Variants in RIMS2 observed in about 807,000 individuals in gnomAD.
RIMS2 encodes regulating synaptic membrane exocytosis 2.
A neutral mutation model predicts 174.4 loss-of-function variants in RIMS2; 59 were observed. That is an observed-to-expected ratio of 0.34 (90% CI 0.27 to 0.42). The LOEUF (loss-of-function observed/expected upper bound fraction) is 0.42, where lower values mean the gene tolerates loss of function less well. Among genes scored for constraint, RIMS2 ranks in the 10% least tolerant of loss-of-function variants. The pLI, the probability that RIMS2 is intolerant of heterozygous loss-of-function variation, is 1.00. For missense variants in RIMS2, 1,620 were observed against 1,666.3 expected (o/e 0.97, Z 0.48); for synonymous variants, 606 against 572.5 (o/e 1.06, Z -0.84).
intron 1 of RIMS2, among the ~76,000 whole-genome samples, chr8:103,606,793 A>G (rs2095114274): frequency 6.6e-6 from 1 of 151,612 alleles, no homozygotes; most frequent in Non-Finnish European, 1.5e-5. Context: ...GTTGGTTTAA[A>G]GTCTGTTTTA....
exon 23 of RIMS2, chr8:104,251,058 A>T: frequency 6.2e-7 from 1 of 1,613,412 alleles, no homozygotes; most frequent in East Asian, 2.2e-5. Flanking sequence ...TAGATAACGG[A>T]GTCTGCATAG....
intron 3 of RIMS2, among the ~76,000 whole-genome samples, chr8:103,857,310 A>ATAGT (rs2099033282): frequency 6.6e-6 from 1 of 152,236 alleles, no homozygotes; most frequent in South Asian, 2.1e-4. Flanking sequence ...TATGAATAAG[A>ATAGT]TAGTTACAGT....
chr8:103,669,908 C>A (rs1400914043), intron 1 of RIMS2, among the ~76,000 whole-genome samples: 2 of 152,248 alleles, frequency 1.3e-5, no homozygotes, highest in African/African-American at 4.8e-5. Context: ...TGGTGGCCCT[C>A]TTCTCACAGC....
chr8:103,846,354 T>G (rs1045593077), intron 3 of RIMS2, among the ~76,000 whole-genome samples: 1 of 152,118 alleles, frequency 6.6e-6, no homozygotes, highest in African/African-American at 2.4e-5. Flanking sequence ...TGTAAGGGAA[T>G]GGAGTGAAGC....
intron 19 of RIMS2, among the ~76,000 whole-genome samples, chr8:104,193,956 A>G (rs888052533): frequency 6.6e-6 from 1 of 152,148 alleles, no homozygotes; most frequent in African/African-American, 2.4e-5. Flanking sequence ...TTCATTTGGA[A>G]TGTGATGGGG....
intron 19 of RIMS2, among the ~76,000 whole-genome samples, chr8:104,208,331 G>T (rs570399301): frequency 5.9e-5 from 9 of 152,040 alleles, no homozygotes; most frequent in Non-Finnish European, 1.3e-4. Flanking sequence ...ATTTTGGGAG[G>T]CCGAGGGGGG....
At chr8:103,947,770 G>C (rs2084184316) in intron 14 of RIMS2, among the ~76,000 whole-genome samples, 2 of 152,018 alleles carry the variant, frequency 1.3e-5, no homozygotes, top group Non-Finnish European at 2.9e-5. Context: ...GAACACTTAG[G>C]CTACACTTTA....
chr8:103,767,936 A>G (rs1031709701), intron 3 of RIMS2, among the ~76,000 whole-genome samples: 1 of 152,146 alleles, frequency 6.6e-6, no homozygotes, highest in Non-Finnish European at 1.5e-5. Context: ...ACTCTCCTTT[A>G]TTGTTGGTCC....
intron 1 of RIMS2, among the ~76,000 whole-genome samples, chr8:103,604,560 A>T (rs886781932): frequency 3.3e-5 from 5 of 151,712 alleles, no homozygotes; most frequent in South Asian, 4.2e-4. Flanking sequence ...CTTGATGGGG[A>T]TGGCATTCAA....
At position 103,659,374 on chromosome 8, in the gene RIMS2, C is replaced by T. The variant is rs937764144; in HGVS notation, c.177-37712C>T. On this transcript the variant is annotated intron_variant, in intron 1 of 23. Coordinates refer to ENST00000504942, the Ensembl canonical transcript of RIMS2. Reference sequence around the variant, plus strand: ...GGGAAGAACACCTGTGTACTACCTTCTCAAAGCCGAGGGCCCACCAGCCTA... The same window carrying T: ...GGGAAGAACACCTGTGTACTACCTTTTCAAAGCCGAGGGCCCACCAGCCTA... Among the ~76,000 whole-genome samples the T allele has an allele frequency of 1.3e-5, 2 of 152,144 alleles. 1 individual carries two copies. The highest frequency in any genetic ancestry group is 4.2e-4 in the South Asian group (2 of 4,816).
chr8:103,972,849 A>G (rs889091900), intron 15 of RIMS2, among the ~76,000 whole-genome samples: 4 of 151,906 alleles, frequency 2.6e-5, no homozygotes, highest in East Asian at 1.9e-4. Context: ...TTCTTGTTCT[A>G]TTTTACTAAA....
exon 1 of RIMS2, chr8:103,501,017 T>C (rs769503641): frequency 6.2e-7 from 1 of 1,610,776 alleles, no homozygotes; most frequent in Non-Finnish European, 8.5e-7. Flanking sequence ...CTGGCCGTCA[T>C]GGATAGGCAG....
chr8:103,946,088 A>G (rs929512513), intron 14 of RIMS2, among the ~76,000 whole-genome samples: 2 of 152,232 alleles, frequency 1.3e-5, no homozygotes, highest in Non-Finnish European at 2.9e-5. Context: ...AGAAAATTCT[A>G]AAGAACCCAC....
At chr8:103,947,551 A>G (rs943923608) in intron 14 of RIMS2, among the ~76,000 whole-genome samples, 1 of 152,234 alleles carries the variant, frequency 6.6e-6, no homozygotes. Flanking sequence ...AATGATAAGT[A>G]TTTGTTTATC....
intron 19 of RIMS2, among the ~76,000 whole-genome samples, chr8:104,089,699 A>G (rs1197959206): frequency 6.6e-6 from 1 of 151,844 alleles, no homozygotes; most frequent in East Asian, 1.9e-4. Flanking sequence ...CAGAATCATC[A>G]TTAAACTGGA....
intron 19 of RIMS2, among the ~76,000 whole-genome samples, chr8:104,037,037 T>C (rs1316776252): frequency 6.6e-6 from 1 of 152,192 alleles, no homozygotes; most frequent in Non-Finnish European, 1.5e-5. Flanking sequence ...TAGACAAAAT[T>C]ATTGGAAATA....
At chr8:103,711,381 G>A (rs1416044355) in intron 2 of RIMS2, among the ~76,000 whole-genome samples, 1 of 152,142 alleles carries the variant, frequency 6.6e-6, no homozygotes, top group Non-Finnish European at 1.5e-5. Context: ...AGATTCTATT[G>A]CCTCTTCTAT....
chr8:104,005,514 A>C (rs2095542440), intron 17 of RIMS2, among the ~76,000 whole-genome samples: 1 of 152,138 alleles, frequency 6.6e-6, no homozygotes, highest in African/African-American at 2.4e-5. Flanking sequence ...TTAACAATGG[A>C]GTAAGGATTC....
intron 19 of RIMS2, among the ~76,000 whole-genome samples, chr8:104,240,437 AGATT>A (rs2099280787): frequency 6.6e-6 from 1 of 152,220 alleles, no homozygotes; most frequent in African/African-American, 2.4e-5. Flanking sequence ...ATGTAGCTAA[AGATT>A]TTGTGGTGCT....
Sources: allele counts gnomAD v4.1 joint callset (sites outside exome capture counted in the v4.1 genomes callset), GRCh38; gene constraint gnomAD v4.1.1; transcripts MANE v1.5; gene names NCBI Gene and HGNC (gene_info 2026-07-23, HGNC 2026-07-21).